The following AP2B1 variants were observed in gnomAD, a reference collection of about 807,000 sequenced individuals.
AP2B1 encodes the protein AP-2 complex subunit beta.
In AP2B1, 23 loss-of-function variants were observed where a neutral mutation model predicts 102.0. The ratio of observed to expected loss-of-function variants is 0.23; its 90% CI spans 0.16 to 0.32. AP2B1 has a LOEUF of 0.32. Among genes scored for constraint, AP2B1 ranks in the 10% least tolerant of loss-of-function variants. The probability of loss-of-function intolerance (pLI) is 1.00; values close to 1 mark genes in which losing one functional copy is unlikely to be tolerated. For missense variants in AP2B1, 541 were observed against 1,157.4 expected (o/e 0.47, Z 7.73); for synonymous variants, 381 against 421.2 (o/e 0.90, Z 1.17).
Position 35,647,873 on chromosome 17 carries a change from T to C in AP2B1, c.1537-2657T>C, listed in dbSNP as rs8067059. ...ATGTTTTTTGTTTGGTTATGAGTTTTTTGGGTTTTGGGGGTTTGTTTTTTT... is the reference window on the plus strand; with the variant it reads ...ATGTTTTTTGTTTGGTTATGAGTTTCTTGGGTTTTGGGGGTTTGTTTTTTT... On this transcript the variant is annotated intron_variant, in intron 12 of 21. Coordinates refer to ENST00000610402, the MANE Select transcript of AP2B1 (RefSeq NM_001030006.2). 2.5e-3 allele frequency among the ~76,000 whole-genome samples: 338 copies of C among 133,524 alleles called. 1 individual carries two copies. The highest frequency in any genetic ancestry group is 9.5e-3 in the African/African-American group (330 of 34,582). The allele number at this position is 133,524 out of a possible 152,430, so 87.6% of individuals were successfully genotyped here.
At chr17:35,644,642 C>G (rs897860645) in intron 12 of AP2B1, among the ~76,000 whole-genome samples, 1 of 151,742 alleles carries the variant, frequency 6.6e-6, no homozygotes, top group Non-Finnish European at 1.5e-5. Flanking sequence ...GCCTTGGTCT[C>G]CCAAAGCACT....
At chr17:35,722,321 C>T (rs2085422327) in intron 21 of AP2B1, among the ~76,000 whole-genome samples, 1 of 152,044 alleles carries the variant, frequency 6.6e-6, no homozygotes, top group Admixed American at 6.5e-5. Flanking sequence ...AAATAGGGAG[C>T]TGTTTTCTAT....
intron 21 of AP2B1, among the ~76,000 whole-genome samples, chr17:35,720,454 A>T (rs142779319): frequency 2.5e-3 from 383 of 150,710 alleles, no homozygotes; most frequent in African/African-American, 8.8e-3. Context: ...TTCAGCATGG[A>T]ATAAATGCAA....
intron 18 of AP2B1, among the ~76,000 whole-genome samples, chr17:35,691,081 A>G (rs2076031323): frequency 1.3e-5 from 2 of 151,766 alleles, no homozygotes; most frequent in Non-Finnish European, 2.9e-5. Context: ...AATAGACACA[A>G]TGTCTCTTTT....
At chr17:35,621,451 C>G (rs751008630) in intron 5 of AP2B1, 7 of 621,588 alleles carry the variant, frequency 1.1e-5, no homozygotes, top group South Asian at 7.2e-5. Context: ...ATGGAAGGAA[C>G]TTCAAGAAAT....
chr17:35,589,470 T>A (rs1163966878), intron 1 of AP2B1, among the ~76,000 whole-genome samples: 1 of 152,198 alleles, frequency 6.6e-6, no homozygotes, highest in Non-Finnish European at 1.5e-5. Context: ...CTACCCAAGG[T>A]ATTAATCTTA....
chr17:35,701,730 T>G (rs1342193997), intron 18 of AP2B1, among the ~76,000 whole-genome samples: 2 of 152,174 alleles, frequency 1.3e-5, no homozygotes, highest in Non-Finnish European at 2.9e-5. Context: ...ATCCTCGTGC[T>G]TCAGCCTCCT....
intron 18 of AP2B1, among the ~76,000 whole-genome samples, chr17:35,704,243 A>T (rs2076296247): frequency 6.6e-6 from 1 of 152,144 alleles, no homozygotes; most frequent in Non-Finnish European, 1.5e-5. Flanking sequence ...TTGGGTTGTG[A>T]TCCACTACCT....
intron 18 of AP2B1, among the ~76,000 whole-genome samples, chr17:35,684,431 A>T (rs776565393): frequency 3.3e-5 from 5 of 152,264 alleles, no homozygotes; most frequent in Non-Finnish European, 5.9e-5. Flanking sequence ...AGACGTCAAT[A>T]GTAAAATATC....
At chr17:35,589,924 C>CTTT (rs71366465) in intron 1 of AP2B1, among the ~76,000 whole-genome samples, 1,795 of 119,460 alleles carry the variant, frequency 0.015, 89 homozygotes, top group African/African-American at 0.048. Context: ...TCTGTAACTT[C>CTTT]TTTTTTTTTT....
chr17:35,640,813 A>G (rs565309212), intron 11 of AP2B1, among the ~76,000 whole-genome samples: 5 of 152,298 alleles, frequency 3.3e-5, no homozygotes, highest in African/African-American at 1.2e-4. Flanking sequence ...TCTGTCACCT[A>G]AGAATGACTA....
intron 18 of AP2B1, among the ~76,000 whole-genome samples, chr17:35,690,857 A>G (rs980921744): frequency 3.3e-5 from 5 of 152,232 alleles, no homozygotes; most frequent in Non-Finnish European, 7.4e-5. Flanking sequence ...GTGATTTTTC[A>G]GTCTACTGCC....
rs939940384 is a variant in AP2B1 at position 35,594,700 on chromosome 17, A to T, written c.37+633A>T. On this transcript the variant is annotated intron_variant, in intron 2 of 21. Coordinates refer to ENST00000610402, the MANE Select transcript of AP2B1 (RefSeq NM_001030006.2). ...GATGTATATTTAAAACGGAATCTCT[A>T]GAGCCATCTATGGTTTTTAGGTCAT... 2.0e-5 allele frequency among the ~76,000 whole-genome samples: 3 copies of T among 152,218 alleles called. No homozygotes were observed. In the South Asian group the frequency reaches 6.2e-4, roughly 31 times the overall value.
At chr17:35,672,390 C>T (rs919250796) in intron 16 of AP2B1, among the ~76,000 whole-genome samples, 19 of 152,238 alleles carry the variant, frequency 1.2e-4, no homozygotes, top group African/African-American at 4.1e-4. Flanking sequence ...CTTGTCTTAA[C>T]CTTACTTGAT....
chr17:35,641,532 T>A (rs1205334293), intron 11 of AP2B1, among the ~76,000 whole-genome samples: 2 of 152,112 alleles, frequency 1.3e-5, no homozygotes, highest in African/African-American at 4.8e-5. Flanking sequence ...GAGCTATGGA[T>A]GTGCAGCCTG....
intron 18 of AP2B1, among the ~76,000 whole-genome samples, chr17:35,699,641 A>G (rs776044985): frequency 6.6e-6 from 1 of 152,224 alleles, no homozygotes; most frequent in Non-Finnish European, 1.5e-5. Context: ...CCTGTGGTTC[A>G]TTACTCTTTC....
chr17:35,613,387 A>G (rs1212321750), intron 5 of AP2B1, among the ~76,000 whole-genome samples: 2 of 152,024 alleles, frequency 1.3e-5, no homozygotes, highest in Non-Finnish European at 2.9e-5. Flanking sequence ...GCAGGTAACA[A>G]AGCTTTACCA....
At chr17:35,594,938 G>C (rs560342414) in intron 2 of AP2B1, among the ~76,000 whole-genome samples, 166 of 152,288 alleles carry the variant, frequency 1.1e-3, no homozygotes, top group Non-Finnish European at 1.8e-3. Flanking sequence ...AAACATTTTA[G>C]CCCATCTCAG....
At chr17:35,670,811 A>G (rs1452430021) in intron 14 of AP2B1, 46 bp from the exon 15 acceptor site, 3 of 1,596,974 alleles carry the variant, frequency 1.9e-6, no homozygotes, top group South Asian at 2.2e-5. Flanking sequence ...GTATTTAGCT[A>G]AATGAACTCT....
Sources: allele counts gnomAD v4.1 joint callset (sites outside exome capture counted in the v4.1 genomes callset), GRCh38; gene constraint gnomAD v4.1.1; transcripts MANE v1.5; gene names NCBI Gene and HGNC (gene_info 2026-07-23, HGNC 2026-07-21).